SLC35F4: variants seen among roughly 807,000 people sequenced by gnomAD.
SLC35F4 encodes the protein solute carrier family 35 member F4, also known as chromosome 14 open reading frame 36.
In SLC35F4, 24 loss-of-function variants were observed where a neutral mutation model predicts 44.2. The ratio of observed to expected loss-of-function variants is 0.54; its 90% confidence interval spans 0.39 to 0.76. SLC35F4 has a LOEUF of 0.76. Ranked by LOEUF, SLC35F4 falls within the 30% of genes least tolerant of loss-of-function variation. SLC35F4 has a pLI of 0.00. For missense variants in SLC35F4, 562 were observed against 586.1 expected (o/e 0.96, Z 0.42); for synonymous variants, 238 against 223.6 (o/e 1.06, Z -0.57).
At chr14:57,769,696 C>T (rs2077315920) in intron 1 of SLC35F4, among the ~76,000 whole-genome samples, 1 of 152,180 alleles carries the variant, frequency 6.6e-6, no homozygotes, top group African/African-American at 2.4e-5. Context: ...TCATCCCCTG[C>T]TACAGGGCCC....
intron 1 of SLC35F4, among the ~76,000 whole-genome samples, chr14:57,863,883 T>C (rs1416088992): frequency 6.6e-6 from 1 of 152,236 alleles, no homozygotes; most frequent in Non-Finnish European, 1.5e-5. Context: ...CAAATAACCA[T>C]GCCAAGTTAA....
chr14:57,589,387 G>T lies in SLC35F4; in HGVS notation c.416C>A (p.Ser139Ter), dbSNP rs1483468289. 1 of 1,613,972 alleles carries T rather than the reference G, an allele frequency of 6.2e-7. No homozygotes were observed. Among genetic ancestry groups the T allele is most frequent in the Admixed American group, 1.7e-5 (1 of 60,016 alleles). The change falls in exon 3 of 8, where the codon TCA becomes TAA. Residue 139 changes from serine to a stop codon, truncating the protein, a stop_gained. Coordinates refer to ENST00000556826, the MANE Select transcript of SLC35F4 (RefSeq NM_001306087.2). LOFTEE classifies it high-confidence loss of function. ...IWGLLIILSV[S>*]SSWVGTTQIV... ...CTGTGTAGTTCCAACCCAAGATGAT[G>T]ATACTGACAAGATGATCAAGAGTCC...
Position 57,581,319 on chromosome 14 carries a change from T to C in SLC35F4, c.702A>G (p.Leu234=), listed in dbSNP as rs1285977023. Residue 234 remains leucine, a synonymous_variant, in exon 4 of 8, where the codon TTA becomes TTG. Coordinates refer to ENST00000556826, the MANE Select transcript of SLC35F4 (RefSeq NM_001306087.2). ...TLTNYLYLLA[L]KKLTATDVSA... ...AGACATCCGTGGCCGTCAGCTTCTTTAAAGCCAGTAAATAAAGGTAATTAG... is the reference window on the plus strand; with the variant it reads ...AGACATCCGTGGCCGTCAGCTTCTTCAAAGCCAGTAAATAAAGGTAATTAG... 2 of 1,613,614 alleles carry C rather than the reference T, an allele frequency of 1.2e-6. No individual in the cohort carries two copies. The highest frequency in any genetic ancestry group is 8.5e-7 in the Non-Finnish European group (1 of 1,179,758).
In SLC35F4 at chr14:57,581,392, TTCAGCG is replaced by T; in HGVS notation, c.623_628del (p.Thr208_Leu209del). ...GGGAGCAGTTCTTTTAAGAAAGAGT[TTCAGCG>T]TCAGACCATCTTCACCAAAAATCCG... On this transcript the variant is annotated inframe_deletion, in exon 4 of 8. Transcript: ENST00000556826. 4 of 1,612,682 alleles carry T rather than the reference TTCAGCG, an allele frequency of 2.5e-6. No individual in the cohort carries two copies. Among genetic ancestry groups the T allele is most frequent in the Non-Finnish European group, 3.4e-6 (4 of 1,179,374 alleles).
chr14:57,775,002 G>A (rs1258300706), intron 1 of SLC35F4, among the ~76,000 whole-genome samples: 3 of 152,064 alleles, frequency 2.0e-5, no homozygotes, highest in Admixed American at 1.3e-4. Context: ...TGCCAGCACC[G>A]CCCCCACCAG....
intron 1 of SLC35F4, among the ~76,000 whole-genome samples, chr14:57,708,914 G>GGA (rs1230694160): frequency 2.6e-5 from 4 of 151,694 alleles, no homozygotes; most frequent in Non-Finnish European, 4.4e-5. Context: ...AGAGAGAGAG[G>GGA]GAGAGAGAGA....
chr14:57,830,694 G>C (rs1040120976), intron 1 of SLC35F4, among the ~76,000 whole-genome samples: 24 of 152,114 alleles, frequency 1.6e-4, no homozygotes, highest in Non-Finnish European at 4.4e-5. Flanking sequence ...TGGGAAAATG[G>C]TATATGCCTG....
chr14:57,941,141 A>G (rs986756283), intron 1 of SLC35F4, among the ~76,000 whole-genome samples: 2 of 152,204 alleles, frequency 1.3e-5, no homozygotes, highest in African/African-American at 4.8e-5. Flanking sequence ...TGGTTCCTGA[A>G]AAAGTTACAC....
chr14:57,675,382 G>C (rs2074658508), intron 1 of SLC35F4, among the ~76,000 whole-genome samples: 1 of 152,084 alleles, frequency 6.6e-6, no homozygotes, highest in South Asian at 2.1e-4. Context: ...AGCTGGATTA[G>C]TGGATTGAAA....
At chr14:57,771,064 C>A (rs575678907) in intron 1 of SLC35F4, among the ~76,000 whole-genome samples, 1 of 152,306 alleles carries the variant, frequency 6.6e-6, no homozygotes, top group African/African-American at 2.4e-5. Flanking sequence ...ATTTCTGTAT[C>A]ATTTCAGGGC....
intron 1 of SLC35F4, among the ~76,000 whole-genome samples, chr14:57,969,636 A>C (rs1351235759): frequency 6.6e-6 from 1 of 152,154 alleles, no homozygotes; most frequent in East Asian, 1.9e-4. Context: ...TGTGTTTTCC[A>C]TGTTGCATAA....
intron 1 of SLC35F4, among the ~76,000 whole-genome samples, chr14:57,724,492 A>T (rs958093764): frequency 2.0e-5 from 3 of 152,132 alleles, no homozygotes; most frequent in Non-Finnish European, 4.4e-5. Context: ...GTCCTTTCTG[A>T]CCCATCAAGC....
intron 1 of SLC35F4, among the ~76,000 whole-genome samples, chr14:57,797,216 C>T (rs1390061963): frequency 2.0e-5 from 3 of 152,218 alleles, no homozygotes; most frequent in Non-Finnish European, 4.4e-5. Context: ...TCCATCACCT[C>T]TGCTAGCAGA....
At chr14:57,661,733 A>G (rs2074144565) in intron 1 of SLC35F4, among the ~76,000 whole-genome samples, 1 of 152,214 alleles carries the variant, frequency 6.6e-6, no homozygotes. Flanking sequence ...TGATTCTCAA[A>G]CTTCAGCAAG....
chr14:57,668,800 C>T (rs1376086506), intron 1 of SLC35F4, among the ~76,000 whole-genome samples: 1 of 152,054 alleles, frequency 6.6e-6, no homozygotes, highest in African/African-American at 2.4e-5. Flanking sequence ...TTAGGATTGA[C>T]TTGGCGATGC....
intron 1 of SLC35F4, among the ~76,000 whole-genome samples, chr14:57,898,477 G>A (rs911779426): frequency 6.6e-6 from 1 of 152,198 alleles, no homozygotes; most frequent in African/African-American, 2.4e-5. Flanking sequence ...GTATGTGGGT[G>A]CTTTGATCAG....
chr14:57,606,808 G>C (rs2071191627), intron 1 of SLC35F4, among the ~76,000 whole-genome samples: 1 of 152,158 alleles, frequency 6.6e-6, no homozygotes, highest in South Asian at 2.1e-4. Context: ...TGGTAGATTT[G>C]ACAACGCATT....
intron 1 of SLC35F4, among the ~76,000 whole-genome samples, chr14:57,785,179 G>T (rs2077724315): frequency 6.6e-6 from 1 of 152,086 alleles, no homozygotes; most frequent in Non-Finnish European, 1.5e-5. Flanking sequence ...ATATTTTGAT[G>T]ATTAAAAATT....
chr14:57,729,481 C>T (rs1365945468), intron 1 of SLC35F4, among the ~76,000 whole-genome samples: 1 of 152,146 alleles, frequency 6.6e-6, no homozygotes, highest in African/African-American at 2.4e-5. Context: ...TGAGTCCTTC[C>T]CTTCAAGGCA....
Sources: allele counts gnomAD v4.1 joint callset (sites outside exome capture counted in the v4.1 genomes callset), GRCh38; gene constraint gnomAD v4.1.1; transcripts MANE v1.5; gene names NCBI Gene and HGNC (gene_info 2026-07-23, HGNC 2026-07-21).